The following CADM2 variants were observed in gnomAD, a reference collection of about 807,000 sequenced individuals.
CADM2 encodes immunoglobulin superfamily member 4D.
CADM2 carries 12 observed loss-of-function variants against 49.8 expected under a neutral mutation model. The observed-to-expected ratio is 0.24, with a 90% CI of 0.15 to 0.39. CADM2 has a LOEUF of 0.39. Ranked by LOEUF, CADM2 falls within the 10% of genes least tolerant of loss-of-function variation. CADM2 has a pLI of 1.00. For missense variants in CADM2, 378 were observed against 492.3 expected, an observed-to-expected ratio of 0.77 and a Z score of 2.20; for synonymous variants, 214 against 175.4, an observed-to-expected ratio of 1.22 and a Z score of -1.74.
At chr3:85,261,571 T>C (rs1461029897) in intron 1 of CADM2, among the ~76,000 whole-genome samples, 2 of 152,162 alleles carry the variant, frequency 1.3e-5, no homozygotes, top group African/African-American at 2.4e-5. Flanking sequence ...AAATATTTTC[T>C]ATGGCCTTCA....
At chr3:85,070,014 A>G (rs2036662979) in intron 1 of CADM2, among the ~76,000 whole-genome samples, 2 of 152,156 alleles carry the variant, frequency 1.3e-5, no homozygotes, top group South Asian at 4.1e-4. Flanking sequence ...ATGCAATCAC[A>G]TTCTGTTTTC....
intron 1 of CADM2, among the ~76,000 whole-genome samples, chr3:85,410,117 G>A (rs180876839): frequency 9.2e-5 from 14 of 152,178 alleles, no homozygotes; most frequent in East Asian, 5.8e-4. Context: ...TTGGTCCAGC[G>A]GTTAGAAAAT....
At chr3:85,513,863 T>C (rs2060832889) in intron 1 of CADM2, among the ~76,000 whole-genome samples, 2 of 152,042 alleles carry the variant, frequency 1.3e-5, no homozygotes, top group Non-Finnish European at 2.9e-5. Context: ...AAGCAGATGC[T>C]CTTTCTTGAT....
chr3:85,555,858 T>C (rs1410334134), intron 1 of CADM2, among the ~76,000 whole-genome samples: 1 of 152,150 alleles, frequency 6.6e-6, no homozygotes, highest in African/African-American at 2.4e-5. Flanking sequence ...TAGATCAGAT[T>C]GTAATTGTTA....
At chr3:85,819,722 G>A (rs1694277501) in intron 3 of CADM2, among the ~76,000 whole-genome samples, 1 of 152,068 alleles carries the variant, frequency 6.6e-6, no homozygotes, top group Non-Finnish European at 1.5e-5. Context: ...TTATATGCAT[G>A]ACAGTAATTA....
At chr3:85,586,642 G>T (rs538672017) in intron 1 of CADM2, among the ~76,000 whole-genome samples, 30 of 152,178 alleles carry the variant, frequency 2.0e-4, no homozygotes, top group Middle Eastern at 6.8e-3. Flanking sequence ...TTAAAGTCAC[G>T]TATATTAATA....
chr3:85,413,155 AAAAAAAAATAAT>A (rs1295594728), intron 1 of CADM2, among the ~76,000 whole-genome samples: 20 of 142,810 alleles, frequency 1.4e-4, no homozygotes, highest in Non-Finnish European at 2.6e-4. Flanking sequence ...AAAAAAAAAA[AAAAAAAAATAAT>A]AATAATAATA....
At chr3:85,977,425 G>A (rs1352143198) in intron 8 of CADM2, among the ~76,000 whole-genome samples, 2 of 151,388 alleles carry the variant, frequency 1.3e-5, no homozygotes, top group African/African-American at 2.4e-5. Flanking sequence ...ATACTTGGAA[G>A]ATATTGGTCT....
intron 1 of CADM2, among the ~76,000 whole-genome samples, chr3:85,565,227 G>GA (rs1299579345): frequency 1.2e-4 from 5 of 43,016 alleles, no homozygotes; most frequent in Non-Finnish European, 4.0e-4. Context: ...TAGTCGAGAA[G>GA]AAAAAAAATA....
At chr3:85,402,223 G>C (rs2035148392) in intron 1 of CADM2, among the ~76,000 whole-genome samples, 1 of 151,832 alleles carries the variant, frequency 6.6e-6, no homozygotes, top group African/African-American at 2.4e-5. Context: ...GAAACTACAA[G>C]ACCTTAACAA....
intron 1 of CADM2, among the ~76,000 whole-genome samples, chr3:85,501,214 G>C (rs1239090502): frequency 6.6e-6 from 1 of 152,072 alleles, no homozygotes; most frequent in African/African-American, 2.4e-5. Flanking sequence ...GTGGTGATTA[G>C]GATAATGTAA....
intron 1 of CADM2, among the ~76,000 whole-genome samples, chr3:85,205,018 A>ATTT (rs201950814): frequency 1.4e-5 from 2 of 141,072 alleles, no homozygotes; most frequent in Non-Finnish European, 1.6e-5. Context: ...ACTTTACTTA[A>ATTT]TTTTTTTTTT....
intron 1 of CADM2, among the ~76,000 whole-genome samples, chr3:85,173,516 A>G (rs1006075053): frequency 6.6e-6 from 1 of 152,200 alleles, no homozygotes. Context: ...TAACATCATT[A>G]GGATGTGAAG....
At chr3:85,695,493 C>T (rs758077139) in intron 1 of CADM2, among the ~76,000 whole-genome samples, 33 of 152,032 alleles carry the variant, frequency 2.2e-4, no homozygotes, top group Non-Finnish European at 4.7e-4. Flanking sequence ...TAATGGCCTC[C>T]AGTTCCATCC....
intron 1 of CADM2, among the ~76,000 whole-genome samples, chr3:85,694,861 C>A (rs2066502608): frequency 6.6e-6 from 1 of 151,960 alleles, no homozygotes; most frequent in Non-Finnish European, 1.5e-5. Context: ...ACTTGGGAGT[C>A]TGAGACAGAA....
chr3:85,914,062 G>A (rs1232025823), intron 6 of CADM2, among the ~76,000 whole-genome samples: 1 of 152,100 alleles, frequency 6.6e-6, no homozygotes, highest in African/African-American at 2.4e-5. Flanking sequence ...AAAATATAAA[G>A]CTGACTATAA....
At position 85,055,264 on chromosome 3, in the gene CADM2, A is replaced by G. The variant is rs532804350; in HGVS notation, c.61+95596A>G. Among the ~76,000 whole-genome samples, 227 of 152,156 alleles carry G rather than the reference A, an allele frequency of 1.5e-3. 1 individual carries two copies. The highest frequency in any genetic ancestry group is 2.9e-3 in the Non-Finnish European group (195 of 67,898). ...GGACTGTTCATAGAACTTTAAAACC[A>G]CATGTTAGGGCTTAATCACATAGAT... is the stretch of plus-strand genomic sequence containing the variant. On this transcript the variant is annotated intron_variant, in intron 1 of 9. Coordinates refer to ENST00000383699, the MANE Select transcript of CADM2 (RefSeq NM_001167675.2).
intron 1 of CADM2, among the ~76,000 whole-genome samples, chr3:85,062,581 A>G (rs2036372186): frequency 1.3e-5 from 2 of 151,930 alleles, no homozygotes; most frequent in Admixed American, 1.3e-4. Flanking sequence ...ATTTAAAGGC[A>G]CTTAATTATT....
intron 8 of CADM2, among the ~76,000 whole-genome samples, chr3:86,043,615 C>G (rs556229087): frequency 1.1e-4 from 17 of 152,244 alleles, no homozygotes; most frequent in South Asian, 2.1e-4. Flanking sequence ...GAATCAATAT[C>G]GTGAAAATGG....
Sources: allele counts gnomAD v4.1 joint callset (sites outside exome capture counted in the v4.1 genomes callset), GRCh38; gene constraint gnomAD v4.1.1; transcripts MANE v1.5; gene names NCBI Gene and HGNC (gene_info 2026-07-23, HGNC 2026-07-21).